Variants in TXNDC16 observed in about 807,000 individuals in gnomAD.
TXNDC16 encodes thioredoxin domain containing 16, also known as thioredoxin domain-containing protein 16.
In TXNDC16, 74 loss-of-function variants were observed where a neutral mutation model predicts 85.6. That is an observed-to-expected ratio of 0.86 (90% CI 0.72 to 1.05). The LOEUF is 1.05. Among genes scored for constraint, TXNDC16 ranks in the 50% least tolerant of loss-of-function variants. The probability of loss-of-function intolerance (pLI) is 0.00; values close to 1 mark genes in which losing one functional copy is unlikely to be tolerated. For missense variants in TXNDC16, 959 were observed against 947.0 expected, an observed-to-expected ratio of 1.01 and a Z score of -0.17; for synonymous variants, 335 against 326.5, an observed-to-expected ratio of 1.03 and a Z score of -0.28.
At chr14:52,538,505 G>A (rs896208960) in intron 4 of TXNDC16, among the ~76,000 whole-genome samples, 6 of 152,262 alleles carry the variant, frequency 3.9e-5, no homozygotes, top group East Asian at 3.9e-4. Context: ...TCACATTAGC[G>A]TAGGTCATGG....
chr14:52,512,381 G>A (rs578014324), intron 8 of TXNDC16, among the ~76,000 whole-genome samples: 32 of 152,172 alleles, frequency 2.1e-4, no homozygotes, highest in Middle Eastern at 3.4e-3. Context: ...AGAAGGAAGG[G>A]GAAGAAAACG....
chr14:52,506,580 C>T (rs1390917561), intron 9 of TXNDC16, among the ~76,000 whole-genome samples: 4 of 107,940 alleles, frequency 3.7e-5, no homozygotes, highest in African/African-American at 1.5e-4. Context: ...GACGGAGTCT[C>T]GCTCTGTCGC....
At chr14:52,532,591 C>T (rs1005559121) in intron 6 of TXNDC16, among the ~76,000 whole-genome samples, 5 of 152,030 alleles carry the variant, frequency 3.3e-5, no homozygotes, top group African/African-American at 1.2e-4. Context: ...CGCCCGCCAC[C>T]ACGCCCGGCT....
At position 52,431,381 on chromosome 14, in the gene TXNDC16, C is replaced by A. The variant is rs2034891282; in HGVS notation, c.*923G>T. On this transcript the variant is annotated 3_prime_UTR_variant, in exon 21 of 21. Coordinates refer to ENST00000281741, the MANE Select transcript of TXNDC16 (RefSeq NM_020784.3). The stretch of plus-strand genomic sequence containing the variant: ...TAAGACTCACTTAAAATATAAATAT[C>A]ATTCTGAGTCCTCTTCTAGGGTTAT... 1 of 152,160 alleles carries A rather than the reference C, an allele frequency of 6.6e-6. No individual in the cohort carries two copies. Among genetic ancestry groups the A allele is most frequent in the Non-Finnish European group, 1.5e-5 (1 of 68,016 alleles). 9.4% of individuals were successfully genotyped at this position (152,160 alleles called of 1,614,324 possible). A position where few individuals can be genotyped will look rare whatever the true frequency, so the allele number is the denominator to read the frequency against.
At chr14:52,470,448 C>T in intron 15 of TXNDC16, 64 bp downstream of exon 15, 1 of 1,510,504 alleles carries the variant, frequency 6.6e-7, no homozygotes, top group Non-Finnish European at 8.9e-7. Flanking sequence ...TTAGCAAAGT[C>T]TGAGAATTAG....
intron 16 of TXNDC16, among the ~76,000 whole-genome samples, chr14:52,468,288 C>T (rs2035822931): frequency 6.6e-6 from 1 of 151,342 alleles, no homozygotes; most frequent in African/African-American, 2.4e-5. Flanking sequence ...AAAAAATATA[C>T]AAAGCAAGAC....
intron 9 of TXNDC16, among the ~76,000 whole-genome samples, chr14:52,501,298 A>C (rs761183828): frequency 3.3e-5 from 5 of 152,206 alleles, no homozygotes; most frequent in Non-Finnish European, 7.4e-5. Context: ...ATACAAAAGC[A>C]ATCTGCATCT....
At chr14:52,435,253 C>CTTTT (rs5808677) in intron 20 of TXNDC16, among the ~76,000 whole-genome samples, 5 of 120,230 alleles carry the variant, frequency 4.2e-5, no homozygotes, top group East Asian at 2.4e-4. Context: ...AACATGTCTG[C>CTTTT]TTTTTTTTTT....
chr14:52,524,923 C>A (rs2037293042), intron 6 of TXNDC16, among the ~76,000 whole-genome samples: 1 of 151,778 alleles, frequency 6.6e-6, no homozygotes, highest in African/African-American at 2.4e-5. Context: ...GAGTTTGAGA[C>A]CAGCCTGGCC....
chr14:52,532,401 A>C (rs1186738823), intron 6 of TXNDC16, among the ~76,000 whole-genome samples: 1 of 152,116 alleles, frequency 6.6e-6, no homozygotes, highest in Non-Finnish European at 1.5e-5. Flanking sequence ...TTAAAACATA[A>C]TTTAAAAATG....
chr14:52,488,748 C>T (rs573129886), intron 11 of TXNDC16, among the ~76,000 whole-genome samples: 108 of 148,558 alleles, frequency 7.3e-4, no homozygotes, highest in Middle Eastern at 3.4e-3. Flanking sequence ...ACAGGAGAAT[C>T]GTCTGAACCC....
At chr14:52,487,411 G>T (rs1041320116) in intron 12 of TXNDC16, among the ~76,000 whole-genome samples, 13 of 151,912 alleles carry the variant, frequency 8.6e-5, no homozygotes, top group Non-Finnish European at 1.5e-5. Flanking sequence ...AGCTCATAAT[G>T]GTACTATATA....
intron 12 of TXNDC16, among the ~76,000 whole-genome samples, chr14:52,485,359 AAC>A (rs1356317301): frequency 2.0e-5 from 3 of 152,372 alleles, no homozygotes; most frequent in Middle Eastern, 3.4e-3. Flanking sequence ...GTTATCACAA[AAC>A]AGTCAAAATG....
At chr14:52,472,225 C>T (rs949808399) in intron 14 of TXNDC16, among the ~76,000 whole-genome samples, 3 of 149,860 alleles carry the variant, frequency 2.0e-5, no homozygotes, top group Non-Finnish European at 4.4e-5. Context: ...GAGATGTAGT[C>T]TTGCTCTTGT....
At chr14:52,484,265 C>G (rs546481132) in intron 12 of TXNDC16, among the ~76,000 whole-genome samples, 1 of 151,522 alleles carries the variant, frequency 6.6e-6, no homozygotes, top group South Asian at 2.1e-4. Flanking sequence ...TAATGGATAA[C>G]AAGAATTTGT....
At chr14:52,464,503 C>T (rs759824798) in intron 16 of TXNDC16, among the ~76,000 whole-genome samples, 7 of 152,132 alleles carry the variant, frequency 4.6e-5, no homozygotes, top group African/African-American at 1.7e-4. Context: ...GTTAGGGCAC[C>T]AGGCACCTGA....
rs182717649 is a variant in TXNDC16 at position 52,530,339 on chromosome 14, A to T, written c.392+6380T>A. ...ATATAATTATTTTTATATTATATAT[A>T]ATTATATATTATAATATAATATATA... On this transcript the variant is annotated intron_variant, in intron 6 of 20. Coordinates refer to ENST00000281741, the MANE Select transcript of TXNDC16 (RefSeq NM_020784.3). Among the ~76,000 whole-genome samples the T allele has an allele frequency of 7.3e-3, 321 of 44,244 alleles. 10 individuals carry two copies. The highest frequency in any genetic ancestry group is 0.045 in the East Asian group (30 of 666). 29.0% of individuals were successfully genotyped at this position (44,244 alleles called of 152,430 possible). A position where few individuals can be genotyped will look rare whatever the true frequency, so the allele number is the denominator to read the frequency against.
intron 6 of TXNDC16, among the ~76,000 whole-genome samples, chr14:52,527,321 A>G (rs2037359546): frequency 1.3e-5 from 2 of 152,206 alleles, no homozygotes; most frequent in South Asian, 2.1e-4. Context: ...TCAGAATTGA[A>G]TAAGAGGACA....
Position 52,544,319 on chromosome 14 carries a change from T to G in TXNDC16, c.-129A>C, listed in dbSNP as rs187886678. The G allele has an allele frequency of 1.3e-5, 2 of 152,234 alleles. No individual in the cohort carries two copies. The highest frequency in any genetic ancestry group is 4.8e-5 in the African/African-American group (2 of 41,586). The allele number at this position is 152,234 out of a possible 1,614,324, so 9.4% of individuals were successfully genotyped here. On this transcript the variant is annotated 5_prime_UTR_variant, in exon 2 of 21. Transcript: ENST00000281741. Reference sequence around the variant, plus strand: ...TTCTTTATTTTCTATTTTGCTACTTTCAAATTTTTCTTGAACAACTTCAAG... The same window carrying G: ...TTCTTTATTTTCTATTTTGCTACTTGCAAATTTTTCTTGAACAACTTCAAG...
Sources: allele counts gnomAD v4.1 joint callset (sites outside exome capture counted in the v4.1 genomes callset), GRCh38; gene constraint gnomAD v4.1.1; transcripts MANE v1.5; gene names NCBI Gene and HGNC (gene_info 2026-07-23, HGNC 2026-07-21).